Variants in TMC8 observed in about 807,000 individuals in gnomAD.
The protein encoded by TMC8 is transmembrane channel like 8, also known as transmembrane channel-like protein 8.
TMC8 carries 71 observed loss-of-function variants against 76.0 expected under a neutral mutation model. The ratio of observed to expected loss-of-function variants is 0.93; its 90% CI spans 0.77 to 1.14. TMC8 has a LOEUF of 1.14. Among genes scored for constraint, TMC8 ranks in the 50% most tolerant of loss-of-function variants. TMC8 has a pLI of 0.00. For missense variants in TMC8, 924 were observed against 947.9 expected, an observed-to-expected ratio of 0.97 and a Z score of 0.33; for synonymous variants, 433 against 433.8, an observed-to-expected ratio of 1.00 and a Z score of 0.02.
Position 78,131,589 on chromosome 17 carries a change from A to ATGC in TMC8, c.8_10dup (p.Leu3dup), listed in dbSNP as rs1259899112. The ATGC allele has an allele frequency of 2.9e-5, 45 of 1,545,208 alleles. No homozygotes were observed. Among genetic ancestry groups the ATGC allele is most frequent in the Non-Finnish European group, 3.8e-5 (44 of 1,146,766 alleles). ...CCAGCCTCTACCCGTGCCCGCCGAG[A>ATGC]TGCTGCTGCCGCGGTCGGTGTCATC... On this transcript the variant is annotated inframe_insertion, in exon 2 of 16. Coordinates refer to ENST00000318430, the MANE Select transcript of TMC8 (RefSeq NM_152468.5).
At position 78,131,436 on chromosome 17, in the gene TMC8, G is replaced by A; in HGVS notation, c.-153G>A. The A allele has an allele frequency of 1.8e-6, 2 of 1,100,702 alleles. No individual in the cohort carries two copies. The highest frequency in any genetic ancestry group is 2.6e-6 in the Non-Finnish European group (2 of 761,028). The allele number at this position is 1,100,702 out of a possible 1,614,324, so 68.2% of individuals were successfully genotyped here. On this transcript the variant is annotated 5_prime_UTR_variant, in exon 2 of 16. Coordinates refer to ENST00000318430, the MANE Select transcript of TMC8 (RefSeq NM_152468.5). ...TGAACCCTAGGGCTGCAGGAGCCCA[G>A]GCCCCGACGCCGGCGCAGAGGGGAC...
At chr17:78,132,148 C>T (rs766351370) in intron 3 of TMC8, 118 bp downstream of exon 3, 1 of 1,456,926 alleles carries the variant, frequency 6.9e-7, no homozygotes, top group African/African-American at 1.4e-5. Flanking sequence ...GACCAATCGG[C>T]CCCTCCCCCC....
chr17:78,133,582 A>C, intron 6 of TMC8, 40 bp downstream of exon 6: 1 of 1,604,538 alleles, frequency 6.2e-7, no homozygotes, highest in Non-Finnish European at 8.5e-7. Context: ...TCCCCAGGGA[A>C]TCTTCCCTGA....
intron 3 of TMC8, 159 bp from the exon 4 acceptor site, chr17:78,132,200 A>C: frequency 7.3e-7 from 1 of 1,373,706 alleles, no homozygotes; most frequent in Non-Finnish European, 1.0e-6. Flanking sequence ...CCTCGGGCCC[A>C]CGCAGCACCC....
chr17:78,137,645 C>T, intron 10 of TMC8, 72 bp from the exon 11 acceptor site: 1 of 1,395,442 alleles, frequency 7.2e-7, no homozygotes, highest in Non-Finnish European at 1.0e-6. Flanking sequence ...CAGAAACCCT[C>T]ACAGGAGGCT....
Position 78,137,083 on chromosome 17 carries a change from G to A in TMC8, c.1128-152G>A, listed in dbSNP as rs1598918293. ...GACTCGGACTCTGAGAACGCACTTTGGACCACATTGCCACAGACAGAGCAG... is the reference window on the plus strand; with the variant it reads ...GACTCGGACTCTGAGAACGCACTTTAGACCACATTGCCACAGACAGAGCAG... On this transcript the variant is annotated intron_variant, in intron 9 of 15. Transcript: ENST00000318430. 15 of 1,216,740 alleles carry A rather than the reference G, an allele frequency of 1.2e-5. No individual in the cohort carries two copies. In the East Asian group the frequency reaches 3.7e-4, roughly 30 times the overall value. The allele number at this position is 1,216,740 out of a possible 1,614,324, so 75.4% of individuals were successfully genotyped here.
chr17:78,134,798 G>A, intron 8 of TMC8, 72 bp from the exon 9 acceptor site: 1 of 1,605,510 alleles, frequency 6.2e-7, no homozygotes. Flanking sequence ...ACACTTTAGG[G>A]CACTGTGGGG....
chr17:78,135,427 A>T lies in TMC8; in HGVS notation c.1127+418A>T, dbSNP rs1325546626. Among the ~76,000 whole-genome samples, 3 of 152,112 alleles carry T rather than the reference A, an allele frequency of 2.0e-5. No homozygotes were observed. The East Asian group carries it at 5.8e-4, about 29-fold the overall frequency. On this transcript the variant is annotated intron_variant, in intron 9 of 15. Transcript: ENST00000318430. ...TCCCCCTTGAGGGATGAGGAAACTGAGGTTCACATGAGTGAAGCGCCCAGC... is the reference window on the plus strand; with the variant it reads ...TCCCCCTTGAGGGATGAGGAAACTGTGGTTCACATGAGTGAAGCGCCCAGC...
intron 15 of TMC8, among the ~76,000 whole-genome samples, chr17:78,140,523 CAG>C (rs1332560423): frequency 1.3e-5 from 2 of 150,596 alleles, no homozygotes; most frequent in African/African-American, 2.5e-5. Flanking sequence ...GGCGTGGTCT[CAG>C]GGTGCGTTGG....
At chr17:78,132,648 C>A in intron 4 of TMC8, 140 bp downstream of exon 4, 1 of 1,491,812 alleles carries the variant, frequency 6.7e-7, no homozygotes, top group Non-Finnish European at 9.2e-7. Context: ...CCTGACCTCG[C>A]CTTGTGTGGG....
At position 78,138,122 on chromosome 17, in the gene TMC8, C is replaced by A. The variant is rs762982617; in HGVS notation, c.1467C>A (p.Leu489=). 2 of 1,614,012 alleles carry A rather than the reference C, an allele frequency of 1.2e-6. No individual in the cohort carries two copies. Among genetic ancestry groups the A allele is most frequent in the Non-Finnish European group, 1.7e-6 (2 of 1,179,984 alleles). ...VAGQTVTWMG[L]FYCPLLPLLN... Reference sequence around the variant, plus strand: ...GGCAGACGGTCACCTGGATGGGCCTCTTCTACTGCCCCCTGCTGCCCCTGC... The same window carrying A: ...GGCAGACGGTCACCTGGATGGGCCTATTCTACTGCCCCCTGCTGCCCCTGC... The change falls in exon 12 of 16, where the codon CTC becomes CTA. Residue 489 remains leucine, a synonymous_variant. Transcript: ENST00000318430.
intron 7 of TMC8, 59 bp downstream of exon 7, chr17:78,134,059 G>A (rs972961909): frequency 1.8e-5 from 29 of 1,610,506 alleles, no homozygotes; most frequent in African/African-American, 5.3e-5. Flanking sequence ...GAGCGAGTGC[G>A]TGAGAGCCAC....
chr17:78,132,218 A>G (rs1028650483), intron 3 of TMC8, 141 bp from the exon 4 acceptor site: 5 of 1,370,402 alleles, frequency 3.6e-6, no homozygotes, highest in Non-Finnish European at 1.0e-6. Flanking sequence ...CCCCCAGGTG[A>G]CTGTCAGCGG....
At chr17:78,132,531 G>C (rs572214532) in intron 4 of TMC8, 23 bp downstream of exon 4, 1 of 1,601,416 alleles carries the variant, frequency 6.2e-7, no homozygotes, top group East Asian at 2.3e-5. Context: ...CCCACCAGGG[G>C]AAGTGCTCCG....
At position 78,134,413 on chromosome 17, in the gene TMC8, G is replaced by C. The variant is rs372510006; in HGVS notation, c.836G>C (p.Arg279Pro). ...GGGCAGGTGGAGCTGGAGGAGGGCC[G>C]TCGCTTCCAGCTGATGCAGCAGCAG... is the stretch of plus-strand genomic sequence containing the variant. The part of the protein sequence containing the change: ...NEFKVELEEG[R>P]RFQLMQQQTR... Residue 279 changes from arginine to proline, a missense_variant, in exon 8 of 16, where the codon CGT becomes CCT. By Grantham distance (103) the Arg-to-Pro change is moderately radical. Transcript: ENST00000318430. 10 of 1,612,256 alleles carry C rather than the reference G, an allele frequency of 6.2e-6. No individual in the cohort carries two copies. In the East Asian group the frequency reaches 2.2e-4, roughly 36 times the overall value.
intron 4 of TMC8, 82 bp downstream of exon 4, chr17:78,132,590 G>C (rs1163760051): frequency 6.5e-7 from 1 of 1,546,104 alleles, no homozygotes; most frequent in Non-Finnish European, 8.7e-7. Context: ...AGAGCGTGGC[G>C]ACAACGCTGG....
chr17:78,131,350 G>C lies in TMC8; in HGVS notation c.-239G>C, dbSNP rs383603. 442,038 of 603,386 alleles carry C rather than the reference G, an allele frequency of 0.73. 164,671 individuals carry two copies. The highest frequency in any genetic ancestry group is 0.81 in the Middle Eastern group (1,832 of 2,256). 37.4% of individuals were successfully genotyped at this position (603,386 alleles called of 1,614,324 possible). A position where few individuals can be genotyped will look rare whatever the true frequency, so the allele number is the denominator to read the frequency against. On this transcript the variant is annotated 5_prime_UTR_variant, in exon 2 of 16. Transcript: ENST00000318430. Reference sequence around the variant, plus strand: ...AGCGGGGCTGGGCCCGAATTCGACCGCAGCAGGATTCTCTCTCATTTCTGA... The same window carrying C: ...AGCGGGGCTGGGCCCGAATTCGACCCCAGCAGGATTCTCTCTCATTTCTGA...
chr17:78,141,285 C>T lies in TMC8; in HGVS notation c.*173C>T. 2.4e-6 allele frequency: 1 copy of T among 412,108 alleles called. No homozygotes were observed. 25.5% of individuals were successfully genotyped at this position (412,108 alleles called of 1,614,324 possible). ...AGCAGGAAAAACATATGGGAATTTT[C>T]TTTCTATATTTTAATCTCATCCCTT... On this transcript the variant is annotated 3_prime_UTR_variant, in exon 16 of 16. Coordinates refer to ENST00000318430, the MANE Select transcript of TMC8 (RefSeq NM_152468.5).
intron 3 of TMC8, 80 bp downstream of exon 3, chr17:78,132,110 A>G: frequency 6.6e-7 from 1 of 1,526,630 alleles, no homozygotes; most frequent in East Asian, 2.4e-5. Flanking sequence ...GAGTGGCATC[A>G]TCCCACCTGC....
Sources: gnomAD v4.1 joint callset for allele counts (sites outside exome capture counted in the v4.1 genomes callset) on GRCh38, gnomAD v4.1.1 for gene constraint, MANE v1.5 for transcripts, NCBI Gene and HGNC (gene_info 2026-07-23, HGNC 2026-07-21) for gene names.